PACRG: variants seen among roughly 807,000 people sequenced by gnomAD.
PACRG encodes parkin coregulated.
A neutral mutation model predicts 29.7 loss-of-function variants in PACRG; 29 were observed. That is an observed-to-expected ratio of 0.98 (90% CI 0.73 to 1.33). PACRG has a LOEUF of 1.33. PACRG is among the 40% of genes most tolerant of loss of function. PACRG has a pLI of 0.00. For synonymous variants in PACRG, 116 were observed against 118.7 expected, an observed-to-expected ratio of 0.98 and a Z score of 0.15; for missense variants, 279 against 316.2, an observed-to-expected ratio of 0.88 and a Z score of 0.89.
intron 2 of PACRG, among the ~76,000 whole-genome samples, chr6:162,887,990 G>T (rs1794476848): frequency 6.6e-6 from 1 of 152,182 alleles, no homozygotes; most frequent in Non-Finnish European, 1.5e-5. Flanking sequence ...GTTCCCAGCA[G>T]GTTCAGTGTG....
chr6:162,764,358 T>C (rs1205376071), intron 1 of PACRG, among the ~76,000 whole-genome samples: 1 of 152,042 alleles, frequency 6.6e-6, no homozygotes, highest in East Asian at 1.9e-4. Flanking sequence ...ATAATTGGTG[T>C]TATGGATTAG....
intron 4 of PACRG, among the ~76,000 whole-genome samples, chr6:163,199,620 G>A (rs887448689): frequency 4.6e-5 from 7 of 152,178 alleles, no homozygotes; most frequent in African/African-American, 1.2e-4. Flanking sequence ...AAGCTTGGCC[G>A]CCTCTCAGGC....
intron 3 of PACRG, among the ~76,000 whole-genome samples, chr6:163,077,778 A>G (rs751596670): frequency 1.3e-5 from 2 of 152,240 alleles, no homozygotes; most frequent in Non-Finnish European, 2.9e-5. Flanking sequence ...TACCAGATAC[A>G]GAAAGAAAGT....
At chr6:162,823,327 T>G (rs942004827) in intron 2 of PACRG, among the ~76,000 whole-genome samples, 9 of 152,214 alleles carry the variant, frequency 5.9e-5, no homozygotes, top group African/African-American at 2.2e-4. Context: ...CTTTCTCAAC[T>G]GAGGAAAGTT....
intron 4 of PACRG, chr6:163,171,074 C>G (rs942830174): frequency 2.0e-5 from 3 of 152,268 alleles, no homozygotes; most frequent in Non-Finnish European, 4.4e-5. Flanking sequence ...GTTTTGATGT[C>G]TCAAAAGATT....
At chr6:162,728,759 A>G (rs949519285) in intron 1 of PACRG, among the ~76,000 whole-genome samples, 3 of 152,218 alleles carry the variant, frequency 2.0e-5, no homozygotes, top group African/African-American at 4.8e-5. Flanking sequence ...TAGAAATCAT[A>G]AACTCTTGCA....
At chr6:162,785,341 A>G (rs916084128) in intron 1 of PACRG, among the ~76,000 whole-genome samples, 3 of 152,230 alleles carry the variant, frequency 2.0e-5, no homozygotes, top group Admixed American at 6.5e-5. Flanking sequence ...TGGGGTTATC[A>G]TATTGCCAAA....
At chr6:163,312,672 C>T (rs562288885) in intron 4 of PACRG, 33 of 312,298 alleles carry the variant, frequency 1.1e-4, no homozygotes, top group Non-Finnish European at 1.6e-4. Flanking sequence ...CAAAGTGTAT[C>T]GTTGTTTTCC....
chr6:162,908,325 G>A (rs1057149448), intron 2 of PACRG, among the ~76,000 whole-genome samples: 2 of 152,180 alleles, frequency 1.3e-5, no homozygotes, highest in Non-Finnish European at 2.9e-5. Context: ...TGCAAAACTG[G>A]ATTATCATAA....
chr6:163,142,504 A>G (rs1777586839), intron 4 of PACRG, among the ~76,000 whole-genome samples: 1 of 152,358 alleles, frequency 6.6e-6, no homozygotes, highest in African/African-American at 2.4e-5. Flanking sequence ...AAGAAGTCAC[A>G]TACCCAGTTC....
intron 3 of PACRG, among the ~76,000 whole-genome samples, chr6:163,081,430 T>C (rs1813062173): frequency 6.6e-6 from 1 of 152,098 alleles, no homozygotes; most frequent in Non-Finnish European, 1.5e-5. Context: ...TGCACAACAT[T>C]GTAAATCTAA....
At chr6:162,818,579 A>G (rs1787556254) in intron 2 of PACRG, among the ~76,000 whole-genome samples, 1 of 152,202 alleles carries the variant, frequency 6.6e-6, no homozygotes, top group East Asian at 1.9e-4. Context: ...AGATGAAGAT[A>G]AATACCTGAG....
chr6:162,817,839 A>AT lies in PACRG; in HGVS notation c.291+3564dup, dbSNP rs768334799. Among the ~76,000 whole-genome samples the AT allele has an allele frequency of 1.3e-3, 191 of 152,160 alleles. 1 individual carries two copies. The highest frequency in any genetic ancestry group is 5.9e-4 in the Non-Finnish European group (40 of 68,000). On this transcript the variant is annotated intron_variant, in intron 2 of 4. Coordinates refer to ENST00000366888, the MANE Select transcript of PACRG (RefSeq NM_001080379.2). ...GTGAAAAAACGGGACTCATCTGTGGATTTTTTGTCATGGTTTTCTATGCAT... is the reference window on the plus strand; with the variant it reads ...GTGAAAAAACGGGACTCATCTGTGGATTTTTTTGTCATGGTTTTCTATGCAT...
intron 2 of PACRG, among the ~76,000 whole-genome samples, chr6:162,972,005 C>G (rs1801571745): frequency 6.6e-6 from 1 of 152,206 alleles, no homozygotes; most frequent in Admixed American, 6.5e-5. Flanking sequence ...CTGTCTCACT[C>G]TGTGACGCAT....
chr6:163,064,408 T>C (rs968853854), intron 3 of PACRG, among the ~76,000 whole-genome samples: 1 of 152,192 alleles, frequency 6.6e-6, no homozygotes, highest in East Asian at 1.9e-4. Flanking sequence ...ACATGATTTG[T>C]CAGGGAAAAT....
At chr6:162,852,400 C>T (rs1790996194) in intron 2 of PACRG, among the ~76,000 whole-genome samples, 1 of 152,200 alleles carries the variant, frequency 6.6e-6, no homozygotes, top group African/African-American at 2.4e-5. Context: ...CAGCAGAACC[C>T]CCAGCGCAGG....
At chr6:163,185,711 T>C (rs1373852117) in intron 4 of PACRG, among the ~76,000 whole-genome samples, 2 of 152,172 alleles carry the variant, frequency 1.3e-5, no homozygotes, top group African/African-American at 4.8e-5. Context: ...GCAGTTGTGG[T>C]GGGCATGAAC....
chr6:162,870,789 G>T (rs1792739014), intron 2 of PACRG, among the ~76,000 whole-genome samples: 1 of 152,110 alleles, frequency 6.6e-6, no homozygotes, highest in Non-Finnish European at 1.5e-5. Context: ...TATAATAAAG[G>T]CCAAAGTTGT....
chr6:162,747,783 G>A (rs1405449603), intron 1 of PACRG, among the ~76,000 whole-genome samples: 1 of 151,752 alleles, frequency 6.6e-6, no homozygotes, highest in Non-Finnish European at 1.5e-5. Context: ...AGATCCCAAG[G>A]TAAACTAAGA....
Sources: gnomAD v4.1 joint callset for allele counts (sites outside exome capture counted in the v4.1 genomes callset) on GRCh38, gnomAD v4.1.1 for gene constraint, MANE v1.5 for transcripts, NCBI Gene and HGNC (gene_info 2026-07-23, HGNC 2026-07-21) for gene names.